Variants in GPATCH2 observed in about 807,000 individuals in gnomAD.
GPATCH2 encodes the protein G patch domain-containing protein 2.
A neutral mutation model predicts 58.0 loss-of-function variants in GPATCH2; 51 were observed. The ratio of observed to expected loss-of-function variants is 0.88; its 90% confidence interval spans 0.70 to 1.11. GPATCH2 has a LOEUF of 1.11. GPATCH2 is among the 50% of genes most tolerant of loss of function. GPATCH2 has a pLI of 0.00. For synonymous variants in GPATCH2, 222 were observed against 218.5 expected (o/e 1.02, Z -0.14); for missense variants, 625 against 652.2 (o/e 0.96, Z 0.45).
intron 5 of GPATCH2, among the ~76,000 whole-genome samples, chr1:217,546,595 AC>A (rs1665066848): frequency 6.6e-6 from 1 of 152,246 alleles, no homozygotes; most frequent in Non-Finnish European, 1.5e-5. Context: ...TACAGCATAT[AC>A]AAAAATTGTG....
chr1:217,604,264 T>C (rs899951930), intron 5 of GPATCH2, among the ~76,000 whole-genome samples: 2 of 150,092 alleles, frequency 1.3e-5, no homozygotes, highest in Admixed American at 6.7e-5. Context: ...AGCAGGAGAA[T>C]CACTTGAACC....
At chr1:217,488,765 C>T (rs1661571187) in intron 8 of GPATCH2, among the ~76,000 whole-genome samples, 1 of 151,852 alleles carries the variant, frequency 6.6e-6, no homozygotes, top group Non-Finnish European at 1.5e-5. Context: ...GATCATGGCT[C>T]ACTGTAAGGT....
chr1:217,564,829 G>T (rs1185826528), intron 5 of GPATCH2, among the ~76,000 whole-genome samples: 2 of 152,028 alleles, frequency 1.3e-5, no homozygotes, highest in Non-Finnish European at 2.9e-5. Context: ...CATACTTTAG[G>T]AAAGACAAAA....
chr1:217,439,473 C>T (rs1016735109), intron 9 of GPATCH2, among the ~76,000 whole-genome samples: 4 of 151,946 alleles, frequency 2.6e-5, no homozygotes, highest in Admixed American at 2.0e-4. Context: ...GAAGCAAGGG[C>T]AAACAAATTC....
intron 3 of GPATCH2, among the ~76,000 whole-genome samples, chr1:217,613,466 G>A (rs1376179683): frequency 6.6e-6 from 1 of 152,030 alleles, no homozygotes; most frequent in African/African-American, 2.4e-5. Flanking sequence ...GTATCTGTAT[G>A]TATGATTTGT....
chr1:217,617,125 A>G (rs563990206), intron 2 of GPATCH2, among the ~76,000 whole-genome samples: 30 of 152,212 alleles, frequency 2.0e-4, no homozygotes, highest in Non-Finnish European at 3.7e-4. Context: ...CCCATTGACT[A>G]TAAGATGATA....
chr1:217,559,161 T>C (rs891811194), intron 5 of GPATCH2, among the ~76,000 whole-genome samples: 1 of 152,204 alleles, frequency 6.6e-6, no homozygotes, highest in Admixed American at 6.5e-5. Context: ...ATTTGTTTTA[T>C]AGCTCAGAAA....
At chr1:217,610,014 C>T in intron 5 of GPATCH2, 1 of 1,413,366 alleles carries the variant, frequency 7.1e-7, no homozygotes, top group Non-Finnish European at 9.2e-7. Flanking sequence ...ACCAGTCCTC[C>T]AGCAAAAACA....
chr1:217,475,000 T>C lies in GPATCH2; in HGVS notation c.1277+16680A>G, dbSNP rs1271886916. 8.5e-5 allele frequency among the ~76,000 whole-genome samples: 13 copies of C among 152,128 alleles called. 1 individual carries two copies. Among genetic ancestry groups the C allele is most frequent in the Admixed American group, 8.5e-4 (13 of 15,276 alleles). On this transcript the variant is annotated intron_variant, in intron 8 of 9. Transcript: ENST00000366935. ...ATTTAACAAAACTTGTAACAAGAAT[T>C]AAACATGAGTAGTCTTTCTCTTCTT... is the stretch of plus-strand genomic sequence containing the variant.
intron 5 of GPATCH2, among the ~76,000 whole-genome samples, chr1:217,589,919 T>C (rs1667512732): frequency 6.6e-6 from 1 of 152,064 alleles, no homozygotes; most frequent in Non-Finnish European, 1.5e-5. Context: ...TAACCAACTC[T>C]ATTTGAAAAG....
chr1:217,602,152 A>C (rs1395716760), intron 5 of GPATCH2, among the ~76,000 whole-genome samples: 1 of 152,098 alleles, frequency 6.6e-6, no homozygotes, highest in African/African-American at 2.4e-5. Context: ...CAAATCTGAT[A>C]ATTCTTAACC....
chr1:217,495,316 C>T (rs1661955842), intron 7 of GPATCH2, among the ~76,000 whole-genome samples: 1 of 152,130 alleles, frequency 6.6e-6, no homozygotes, highest in African/African-American at 2.4e-5. Context: ...AATTCTCATT[C>T]CCCACCAATC....
chr1:217,452,541 A>G (rs73103794), intron 8 of GPATCH2, among the ~76,000 whole-genome samples: 5,395 of 152,280 alleles, frequency 0.035, 174 homozygotes, highest in African/African-American at 0.092. Flanking sequence ...CTAATTGCTT[A>G]AAAATAACTC....
At chr1:217,550,029 A>C (rs1571902280) in intron 5 of GPATCH2, among the ~76,000 whole-genome samples, 2 of 150,798 alleles carry the variant, frequency 1.3e-5, no homozygotes, top group East Asian at 4.0e-4. Flanking sequence ...TTAGTTTCCT[A>C]TTTTCCTAAA....
At chr1:217,514,297 T>A (rs978273194) in intron 6 of GPATCH2, among the ~76,000 whole-genome samples, 1 of 151,592 alleles carries the variant, frequency 6.6e-6, no homozygotes, top group Admixed American at 6.6e-5. Flanking sequence ...GTAGCTGGGA[T>A]TACAGGCATG....
At chr1:217,553,605 A>T (rs1446432507) in intron 5 of GPATCH2, among the ~76,000 whole-genome samples, 1 of 152,160 alleles carries the variant, frequency 6.6e-6, no homozygotes, top group East Asian at 1.9e-4. Context: ...AAGTTCCAAC[A>T]CAATTTTTTG....
chr1:217,533,527 C>A (rs1291691687), intron 5 of GPATCH2, among the ~76,000 whole-genome samples: 2 of 152,176 alleles, frequency 1.3e-5, no homozygotes, highest in Non-Finnish European at 2.9e-5. Flanking sequence ...AGAAGCATTG[C>A]CACATGCCGT....
chr1:217,571,223 T>C (rs1666521670), intron 5 of GPATCH2, among the ~76,000 whole-genome samples: 1 of 152,200 alleles, frequency 6.6e-6, no homozygotes, highest in African/African-American at 2.4e-5. Context: ...TAAACTGGCA[T>C]TTATTTTAAC....
chr1:217,513,484 AAAAAATTTAT>A (rs1479378267), intron 6 of GPATCH2, among the ~76,000 whole-genome samples: 8 of 152,204 alleles, frequency 5.3e-5, no homozygotes, highest in African/African-American at 1.7e-4. Flanking sequence ...TGCTTGCCAC[AAAAAATTTAT>A]TCAATAATTA....
Sources: allele counts gnomAD v4.1 joint callset (sites outside exome capture counted in the v4.1 genomes callset), GRCh38; gene constraint gnomAD v4.1.1; transcripts MANE v1.5; gene names NCBI Gene and HGNC (gene_info 2026-07-23, HGNC 2026-07-21).